Variants in MED13 observed in about 807,000 individuals in gnomAD.
MED13 encodes the protein mediator complex subunit 13, also known as mediator of RNA polymerase II transcription subunit 13.
MED13 carries 23 observed loss-of-function variants against 225.2 expected under a neutral mutation model. That is an observed-to-expected ratio of 0.10 (90% CI 0.07 to 0.14). The LOEUF is 0.14. MED13 is among the 10% of genes least tolerant of loss of function. MED13 has a pLI of 1.00. For synonymous variants in MED13, 942 were observed against 889.2 expected, an observed-to-expected ratio of 1.06 and a Z score of -1.06; for missense variants, 2,197 against 2,594.5, an observed-to-expected ratio of 0.85 and a Z score of 3.33.
intron 3 of MED13, among the ~76,000 whole-genome samples, chr17:62,041,728 C>CCA (rs2080854669): frequency 6.6e-6 from 1 of 152,078 alleles, no homozygotes; most frequent in African/African-American, 2.4e-5. Context: ...CAGGTGTGAG[C>CCA]CACTATGTCC....
intron 8 of MED13, among the ~76,000 whole-genome samples, chr17:62,016,325 A>ACCTC (rs1170983090): frequency 2.0e-5 from 3 of 151,972 alleles, no homozygotes; most frequent in Admixed American, 6.6e-5. Context: ...GGCAAGAGCC[A>ACCTC]CCTCATTGGC....
intron 3 of MED13, among the ~76,000 whole-genome samples, chr17:62,044,667 T>C (rs2080883461): frequency 6.6e-6 from 1 of 152,242 alleles, no homozygotes; most frequent in Non-Finnish European, 1.5e-5. Flanking sequence ...TAATACTCTA[T>C]ATTGCCTTTT....
Position 61,995,369 on chromosome 17 carries a change from C to T in MED13, c.1968-4G>A. ...TTTCTTACATTGCACCATTAACCTG[C>T]ATAAAAAAATTAAAAAAAATTAATT... On this transcript the variant is annotated splice_region_variant and splice_polypyrimidine_tract_variant and intron_variant, in intron 9 of 29. Coordinates refer to ENST00000397786, the MANE Select transcript of MED13 (RefSeq NM_005121.3). The T allele has an allele frequency of 6.4e-7, 1 of 1,554,994 alleles. No individual in the cohort carries two copies.
chr17:61,968,815 A>AAG (rs2080081778), intron 17 of MED13, among the ~76,000 whole-genome samples: 3 of 152,182 alleles, frequency 2.0e-5, no homozygotes, highest in Non-Finnish European at 4.4e-5. Flanking sequence ...GCAGTGGAAC[A>AAG]ATCACGCCTT....
At chr17:62,002,440 G>A (rs1039635724) in intron 9 of MED13, among the ~76,000 whole-genome samples, 23 of 136,272 alleles carry the variant, frequency 1.7e-4, no homozygotes, top group Non-Finnish European at 3.3e-4. Flanking sequence ...AGTGAGCCGA[G>A]ATTGCGCCAC....
intron 12 of MED13, 57 bp from the exon 13 acceptor site, chr17:61,985,147 T>C: frequency 7.2e-7 from 1 of 1,392,080 alleles, no homozygotes; most frequent in East Asian, 2.3e-5. Flanking sequence ...GATCTCAAAA[T>C]AGTAATCATT....
chr17:61,962,733 C>T lies in MED13; in HGVS notation c.5064+19G>A. ...AACTGTTTTACATAATTTTAACTCA[C>T]AACATCTATCACTCTTACCTGTACA... is the stretch of plus-strand genomic sequence containing the variant. On this transcript the variant is annotated intron_variant, in intron 21 of 29. Transcript: ENST00000397786. 1 of 1,602,042 alleles carries T rather than the reference C, an allele frequency of 6.2e-7. No individual in the cohort carries two copies. The highest frequency in any genetic ancestry group is 8.6e-7 in the Non-Finnish European group (1 of 1,169,316).
intron 11 of MED13, among the ~76,000 whole-genome samples, chr17:61,990,123 T>C (rs1244488990): frequency 6.6e-6 from 1 of 152,156 alleles, no homozygotes; most frequent in Non-Finnish European, 1.5e-5. Context: ...TTTGCCCACA[T>C]CAAAAGTTAA....
chr17:61,984,441 G>A (rs1416195812), intron 14 of MED13, 74 bp from the exon 15 acceptor site: 2 of 1,171,022 alleles, frequency 1.7e-6, no homozygotes, highest in Admixed American at 5.7e-5. Flanking sequence ...AACAGGCTCT[G>A]GACCTTTTTT....
In MED13 at chr17:61,960,959, T is replaced by C. The variant is rs778224097; in HGVS notation, c.5388A>G (p.Leu1796=). 8 of 1,613,968 alleles carry C rather than the reference T, an allele frequency of 5.0e-6. No individual in the cohort carries two copies. Among genetic ancestry groups the C allele is most frequent in the African/African-American group, 1.3e-5 (1 of 75,058 alleles). Residue 1796 remains leucine, a synonymous_variant, in exon 23 of 30, where the codon TTA becomes TTG. Transcript: ENST00000397786. ...KYNVLFVGYC[L]SHDQRWILAS... is the part of the protein sequence containing the mutation. ...CAAGAATCCACCTTTGATCATGTGA[T>C]AAACAGTATCCCACAAAAAGAACAT...
chr17:62,028,384 G>A (rs1567987750), intron 8 of MED13, among the ~76,000 whole-genome samples: 1 of 152,014 alleles, frequency 6.6e-6, no homozygotes, highest in African/African-American at 2.4e-5. Context: ...AGACACTGGG[G>A]TCTACTTGAG....
At chr17:62,027,023 T>C (rs540873850) in intron 8 of MED13, among the ~76,000 whole-genome samples, 206 of 152,332 alleles carry the variant, frequency 1.4e-3, no homozygotes, top group African/African-American at 4.7e-3. Flanking sequence ...CAAAGCAATT[T>C]GGATTCAATG....
At chr17:62,033,444 T>C in intron 5 of MED13, among the ~76,000 whole-genome samples, 1 of 152,198 alleles carries the variant, frequency 6.6e-6, no homozygotes, top group South Asian at 2.1e-4. Flanking sequence ...TTTAACTAGC[T>C]TTGTCTAATG....
intron 2 of MED13, among the ~76,000 whole-genome samples, chr17:62,056,907 T>C (rs2081000329): frequency 6.6e-6 from 1 of 152,248 alleles, no homozygotes; most frequent in East Asian, 1.9e-4. Context: ...GGACTATTTA[T>C]TGGAAGAAAA....
At chr17:62,055,013 A>G (rs2080985413) in intron 2 of MED13, among the ~76,000 whole-genome samples, 1 of 152,220 alleles carries the variant, frequency 6.6e-6, no homozygotes, top group Non-Finnish European at 1.5e-5. Context: ...AAACTAGAAA[A>G]TGACTTTGTC....
chr17:61,967,253 T>C (rs1349273103), intron 18 of MED13, among the ~76,000 whole-genome samples: 1 of 152,148 alleles, frequency 6.6e-6, no homozygotes, highest in African/African-American at 2.4e-5. Context: ...CTCTAAAAGG[T>C]AATATAATAT....
At position 61,944,233 on chromosome 17, in the gene MED13, G is replaced by A. The variant is rs1045196; in HGVS notation, c.*2235C>T. On this transcript the variant is annotated 3_prime_UTR_variant, in exon 30 of 30. Coordinates refer to ENST00000397786, the MANE Select transcript of MED13 (RefSeq NM_005121.3). ...ATTTTAAATCTACTTTCAAATTGAG[G>A]TGTGGTTATCATAGGTTAGTGATTT... 14,171 of 152,520 alleles carry A rather than the reference G, an allele frequency of 0.093. 920 individuals carry two copies. The highest frequency in any genetic ancestry group is 0.32 in the South Asian group (1,530 of 4,822). 9.4% of individuals were successfully genotyped at this position (152,520 alleles called of 1,614,324 possible).
At position 62,008,317 on chromosome 17, in the gene MED13, C is replaced by CAAAAAAAAAAAAAAAAAAA. The variant is rs766909961; in HGVS notation, c.1967+2214_1967+2232dup. 2.7e-4 allele frequency among the ~76,000 whole-genome samples: 9 copies of CAAAAAAAAAAAAAAAAAAA among 33,208 alleles called. 1 individual carries two copies. The highest frequency in any genetic ancestry group is 7.5e-4 in the African/African-American group (7 of 9,326). The allele number at this position is 33,208 out of a possible 152,430, so 21.8% of individuals were successfully genotyped here. A position where few individuals can be genotyped will look rare whatever the true frequency, so the allele number is the denominator to read the frequency against. On this transcript the variant is annotated intron_variant, in intron 9 of 29. Coordinates refer to ENST00000397786, the MANE Select transcript of MED13 (RefSeq NM_005121.3). ...TGGGCCACAGAGCGAGGCTCTGTCTCAAAAAAAAAAAAAAAAAAAAAAAAA... is the reference window on the plus strand; with the variant it reads ...TGGGCCACAGAGCGAGGCTCTGTCTCAAAAAAAAAAAAAAAAAAAAAAAAAAAAAAAAAAAAAAAAAAAA...
chr17:61,981,536 G>A (rs2080204630), intron 16 of MED13, among the ~76,000 whole-genome samples: 2 of 152,174 alleles, frequency 1.3e-5, no homozygotes, highest in South Asian at 4.2e-4. Context: ...TCACCTTAAT[G>A]TTCCTCAAAC....
Sources: allele counts gnomAD v4.1 joint callset (sites outside exome capture counted in the v4.1 genomes callset), GRCh38; gene constraint gnomAD v4.1.1; transcripts MANE v1.5; gene names NCBI Gene and HGNC (gene_info 2026-07-23, HGNC 2026-07-21).